GPN1: variants seen among roughly 807,000 people sequenced by gnomAD.
GPN1 encodes ATP(GTP)-binding protein.
A neutral mutation model predicts 55.9 loss-of-function variants in GPN1; 44 were observed. That is an observed-to-expected ratio of 0.79 (90% CI 0.62 to 1.01). The LOEUF (loss-of-function observed/expected upper bound fraction) is 1.01, where lower values mean the gene tolerates loss of function less well. GPN1 is among the 50% of genes least tolerant of loss of function. The pLI, the probability that GPN1 is intolerant of heterozygous loss-of-function variation, is 0.00. For missense variants in GPN1, 466 were observed against 462.8 expected, an observed-to-expected ratio of 1.01 and a Z score of -0.06; for synonymous variants, 179 against 162.5, an observed-to-expected ratio of 1.10 and a Z score of -0.77.
chr2:27,648,643 A>G (rs1262187319), intron 13 of GPN1, among the ~76,000 whole-genome samples: 2 of 152,084 alleles, frequency 1.3e-5, no homozygotes, highest in Non-Finnish European at 2.9e-5. Flanking sequence ...AATTGTTACT[A>G]TTATTTTTTT....
chr2:27,648,246 G>A (rs1674340108), intron 13 of GPN1, among the ~76,000 whole-genome samples: 1 of 152,194 alleles, frequency 6.6e-6, no homozygotes, highest in Non-Finnish European at 1.5e-5. Flanking sequence ...AGGGCTGGGT[G>A]TGGTGGCTCA....
chr2:27,647,808 A>AT, intron 12 of GPN1, 28 bp from the exon 13 acceptor site: 1 of 1,288,612 alleles, frequency 7.8e-7, no homozygotes, highest in Non-Finnish European at 1.1e-6. Flanking sequence ...TTGAGGAGGC[A>AT]TATCACTGAT....
intron 12 of GPN1, among the ~76,000 whole-genome samples, chr2:27,645,698 T>C (rs1674193986): frequency 2.6e-5 from 4 of 151,636 alleles, no homozygotes; most frequent in Admixed American, 2.6e-4. Flanking sequence ...TTTGCCTGTT[T>C]CTTTTTAATT....
chr2:27,641,251 C>A lies in GPN1; in HGVS notation c.812C>A (p.Pro271His). 6.2e-7 allele frequency: 1 copy of A among 1,607,924 alleles called. No homozygotes were observed. The highest frequency in any genetic ancestry group is 1.1e-5 in the South Asian group (1 of 90,856). The change falls in exon 11 of 14, where the codon CCT (proline) becomes CAT (histidine). Residue 271 changes from proline to histidine, a missense_variant. Coordinates refer to ENST00000610189, the MANE Select transcript of GPN1 (RefSeq NM_007266.4). ...GTTTCTCTTTACAGGGAGTATCGTC[C>A]TGAATATGAACGTCTGAAAAAATCA... is the stretch of plus-strand genomic sequence containing the variant. ...AAEEYEREYR[P>H]EYERLKKSLA...
chr2:27,642,965 A>ACACACACG (rs1674030401), intron 12 of GPN1, among the ~76,000 whole-genome samples: 1 of 148,230 alleles, frequency 6.7e-6, no homozygotes, highest in Non-Finnish European at 1.5e-5. Context: ...ATATACACAC[A>ACACACACG]CACACACACA....
chr2:27,634,772 A>G (rs1673668020), intron 5 of GPN1, 74 bp from the exon 6 acceptor site: 2 of 881,072 alleles, frequency 2.3e-6, no homozygotes, highest in Admixed American at 1.7e-5. Flanking sequence ...CCAGATGTTT[A>G]TTGTCTTATA....
chr2:27,628,732 T>C, upstream of GPN1: 1 of 1,550,890 alleles, frequency 6.4e-7, no homozygotes, highest in Non-Finnish European at 8.7e-7. Context: ...CCTCGTTTTC[T>C]TGCTGTGTGA....
intron 8 of GPN1, among the ~76,000 whole-genome samples, chr2:27,638,510 A>T (rs1363963611): frequency 6.6e-6 from 1 of 152,206 alleles, no homozygotes; most frequent in Admixed American, 6.5e-5. Context: ...CTCAGAGTCA[A>T]GATTGTGTAA....
intron 5 of GPN1, among the ~76,000 whole-genome samples, chr2:27,633,504 C>T (rs1013864220): frequency 6.6e-6 from 1 of 152,084 alleles, no homozygotes; most frequent in African/African-American, 2.4e-5. Context: ...GGGATGGAGT[C>T]TCGCTCTATT....
chr2:27,646,837 G>C (rs1674257343), intron 12 of GPN1, among the ~76,000 whole-genome samples: 1 of 152,102 alleles, frequency 6.6e-6, no homozygotes, highest in African/African-American at 2.4e-5. Context: ...GCTAGTAACG[G>C]ACTGGGTTTA....
chr2:27,638,815 A>G, intron 8 of GPN1, 70 bp from the exon 9 acceptor site: 1 of 1,298,216 alleles, frequency 7.7e-7, no homozygotes, highest in South Asian at 1.4e-5. Flanking sequence ...TGCTGTCAAC[A>G]CTTAATTAAA....
intron 1 of GPN1, 38 bp from the exon 2 acceptor site, chr2:27,629,821 C>A (rs376783652): frequency 3.6e-6 from 4 of 1,111,800 alleles, no homozygotes. Context: ...CTTGTCCCCT[C>A]TTTGTCTCCT....
At chr2:27,642,055 G>C (rs1673979426) in intron 11 of GPN1, 1 of 160,384 alleles carries the variant, frequency 6.2e-6, no homozygotes, top group Non-Finnish European at 1.4e-5. Flanking sequence ...TTGTAGGCTG[G>C]GGATGAATAA....
intron 13 of GPN1, among the ~76,000 whole-genome samples, chr2:27,649,268 CAAA>C (rs996492260): frequency 2.0e-5 from 3 of 150,400 alleles, no homozygotes; most frequent in African/African-American, 7.3e-5. Flanking sequence ...AACAAACAAA[CAAA>C]AAAACACGAA....
chr2:27,632,979 G>A (rs1392902302), intron 5 of GPN1, among the ~76,000 whole-genome samples: 4 of 152,144 alleles, frequency 2.6e-5, no homozygotes, highest in African/African-American at 9.7e-5. Flanking sequence ...TAAAGTATCT[G>A]AAATACCTTT....
upstream of GPN1, chr2:27,628,450 G>A (rs1257930590): frequency 1.3e-6 from 2 of 1,551,532 alleles, no homozygotes; most frequent in Middle Eastern, 1.7e-4. Flanking sequence ...TTCACTGAGG[G>A]TGACTGCCAA....
rs769630642 is a variant in GPN1 at position 27,651,141 on chromosome 2, G to C, written c.*941G>C. ...AACAGCCCTTATAAACGTTTGCCCT[G>C]CCTCCACATTTTACAGTATCTTAAA... is the stretch of plus-strand genomic sequence containing the variant. On this transcript the variant is annotated 3_prime_UTR_variant, in exon 14 of 14. Transcript: ENST00000610189. 2.0e-5 allele frequency: 3 copies of C among 152,334 alleles called. No homozygotes were observed. Among genetic ancestry groups the C allele is most frequent in the Non-Finnish European group, 2.9e-5 (2 of 68,032 alleles). 9.4% of individuals were successfully genotyped at this position (152,334 alleles called of 1,614,324 possible).
chr2:27,639,947 TCTTA>T (rs1170061095), intron 9 of GPN1, 92 bp from the exon 10 acceptor site: 3 of 898,692 alleles, frequency 3.3e-6, no homozygotes, highest in South Asian at 1.5e-5. Context: ...TATAAACCAC[TCTTA>T]CTAAGATTTT....
chr2:27,650,312 A>G lies in GPN1; in HGVS notation c.*112A>G, dbSNP rs1674466757. 1.7e-6 allele frequency: 1 copy of G among 582,542 alleles called. No homozygotes were observed. Among genetic ancestry groups the G allele is most frequent in the African/African-American group, 1.9e-5 (1 of 53,198 alleles). The allele number at this position is 582,542 out of a possible 1,614,324, so 36.1% of individuals were successfully genotyped here. On this transcript the variant is annotated 3_prime_UTR_variant, in exon 14 of 14. Transcript: ENST00000610189. ...GCTCCCATAAGGGATAATTTTCCTC[A>G]GAGTAGCAAAGTTTCTCTTATTAGA...
Sources: gnomAD v4.1 joint callset for allele counts (sites outside exome capture counted in the v4.1 genomes callset) on GRCh38, gnomAD v4.1.1 for gene constraint, MANE v1.5 for transcripts, NCBI Gene and HGNC (gene_info 2026-07-23, HGNC 2026-07-21) for gene names.